The following NCAM1 variants were observed in gnomAD, a reference collection of about 807,000 sequenced individuals.
The protein encoded by NCAM1 is antigen recognized by monoclonal antibody 5.1H11.
Under a neutral mutation model 109.8 loss-of-function variants are expected in NCAM1, and 14 were observed. The ratio of observed to expected loss-of-function variants is 0.13; its 90% CI spans 0.08 to 0.20. The LOEUF (loss-of-function observed/expected upper bound fraction) is 0.20. Among genes scored for constraint, NCAM1 ranks in the 10% least tolerant of loss-of-function variants. The pLI, the probability that NCAM1 is intolerant of heterozygous loss-of-function variation, is 1.00. For synonymous variants in NCAM1, 418 were observed against 442.9 expected, an observed-to-expected ratio of 0.94 and a Z score of 0.70; for missense variants, 774 against 1,109.9, an observed-to-expected ratio of 0.70 and a Z score of 4.30.
chr11:113,216,146 A>ATTTTTTTTT (rs34687568), intron 8 of NCAM1, among the ~76,000 whole-genome samples: 7 of 101,504 alleles, frequency 6.9e-5, no homozygotes, highest in African/African-American at 1.5e-4. Flanking sequence ...CTATGATTTC[A>ATTTTTTTTT]TTTTTTTTTT....
Position 113,275,494 on chromosome 11 carries a change from A to G in NCAM1, c.*107A>G. 1 of 1,295,330 alleles carries G rather than the reference A, an allele frequency of 7.7e-7. No homozygotes were observed. Among genetic ancestry groups the G allele is most frequent in the Non-Finnish European group, 1.1e-6 (1 of 939,850 alleles). The allele number at this position is 1,295,330 out of a possible 1,614,324, so 80.2% of individuals were successfully genotyped here. A position where few individuals can be genotyped will look rare whatever the true frequency, so the allele number is the denominator to read the frequency against. ...CACACGCACGCACACACACAAACAC[A>G]CATGCACACACACACATCTCATTTC... is the stretch of plus-strand genomic sequence containing the variant. On this transcript the variant is annotated 3_prime_UTR_variant, in exon 20 of 20. Transcript: ENST00000316851.
intron 1 of NCAM1, among the ~76,000 whole-genome samples, chr11:113,021,782 C>T (rs1445418046): frequency 1.3e-5 from 2 of 152,154 alleles, no homozygotes; most frequent in African/African-American, 4.8e-5. Context: ...GCTTTAAAAA[C>T]CTGCTGTAGA....
At chr11:113,074,082 A>C (rs1938416676) in intron 1 of NCAM1, among the ~76,000 whole-genome samples, 1 of 152,198 alleles carries the variant, frequency 6.6e-6, no homozygotes. Flanking sequence ...ACAGGGGAGC[A>C]CCTTGAAAAT....
At chr11:113,102,261 GA>G (rs1377786077) in intron 1 of NCAM1, among the ~76,000 whole-genome samples, 2 of 152,082 alleles carry the variant, frequency 1.3e-5, no homozygotes, top group African/African-American at 4.8e-5. Context: ...TTGTCTTACA[GA>G]AAAAAATGGA....
chr11:113,046,125 G>GA (rs1207406494), intron 1 of NCAM1, among the ~76,000 whole-genome samples: 6 of 152,076 alleles, frequency 3.9e-5, no homozygotes, highest in African/African-American at 1.2e-4. Context: ...TGATTGCTGT[G>GA]AAAAAAACAG....
Position 113,149,949 on chromosome 11 carries a change from A to T in NCAM1, c.53-52430A>T, listed in dbSNP as rs575802472. On this transcript the variant is annotated intron_variant, in intron 1 of 19. Transcript: ENST00000316851. The stretch of plus-strand genomic sequence containing the variant: ...GATTGACTCTCAGAAGAAAGGTAAA[A>T]TTGGGCAGCATATATGTGGGAGTCA... Among the ~76,000 whole-genome samples the T allele has an allele frequency of 1.6e-3, 247 of 152,296 alleles. 3 individuals are homozygous for T. Among genetic ancestry groups the T allele is most frequent in the African/African-American group, 5.6e-3 (234 of 41,550 alleles).
At chr11:112,984,488 C>G (rs1167695439) in intron 1 of NCAM1, among the ~76,000 whole-genome samples, 1 of 151,810 alleles carries the variant, frequency 6.6e-6, no homozygotes, top group Non-Finnish European at 1.5e-5. Flanking sequence ...TCTACTGTGG[C>G]TGCAGCAGTC....
intron 1 of NCAM1, among the ~76,000 whole-genome samples, chr11:113,119,583 C>T (rs1940862793): frequency 6.6e-6 from 1 of 152,228 alleles, no homozygotes; most frequent in East Asian, 1.9e-4. Context: ...CTTGCTGAGA[C>T]TAATACAGGT....
intron 1 of NCAM1, among the ~76,000 whole-genome samples, chr11:113,177,389 C>T (rs1943190447): frequency 6.6e-6 from 1 of 152,150 alleles, no homozygotes; most frequent in Non-Finnish European, 1.5e-5. Flanking sequence ...AAAAAAACCA[C>T]TATTAAAAGT....
At chr11:113,134,446 C>T (rs1565456188) in intron 1 of NCAM1, among the ~76,000 whole-genome samples, 1 of 152,152 alleles carries the variant, frequency 6.6e-6, no homozygotes, top group Non-Finnish European at 1.5e-5. Flanking sequence ...AACATGTGTA[C>T]AACTTTCCCA....
At chr11:113,065,196 TA>T (rs1421286837) in intron 1 of NCAM1, among the ~76,000 whole-genome samples, 17 of 152,118 alleles carry the variant, frequency 1.1e-4, no homozygotes, top group African/African-American at 3.4e-4. Context: ...CCAAAAGAAA[TA>T]AAAGTATTGG....
intron 1 of NCAM1, among the ~76,000 whole-genome samples, chr11:113,009,318 T>G (rs1327989328): frequency 9.6e-6 from 1 of 104,296 alleles, no homozygotes; most frequent in Non-Finnish European, 1.9e-5. Context: ...TCGGGTTTTT[T>G]TTTTTTTTTT....
chr11:113,021,143 G>A (rs1952372404), intron 1 of NCAM1, among the ~76,000 whole-genome samples: 1 of 152,180 alleles, frequency 6.6e-6, no homozygotes, highest in Non-Finnish European at 1.5e-5. Flanking sequence ...AGGAATAACA[G>A]TAAGACAATT....
intron 1 of NCAM1, among the ~76,000 whole-genome samples, chr11:113,005,216 T>A (rs1951863336): frequency 6.6e-6 from 1 of 152,202 alleles, no homozygotes; most frequent in Non-Finnish European, 1.5e-5. Flanking sequence ...AATTAGTAGT[T>A]TGGCTTCTCT....
intron 1 of NCAM1, among the ~76,000 whole-genome samples, chr11:113,093,575 A>T (rs1444440615): frequency 2.0e-5 from 3 of 152,092 alleles, no homozygotes; most frequent in Admixed American, 6.5e-5. Context: ...GAGGTTCTTT[A>T]TTCTTAAGCC....
chr11:113,243,736 C>A, intron 14 of NCAM1: 2 of 309,660 alleles, frequency 6.5e-6, no homozygotes, highest in Admixed American at 3.4e-5. Context: ...TTTCTGCTTG[C>A]ACAGAAAAAA....
chr11:113,143,079 C>T (rs887427188), intron 1 of NCAM1, among the ~76,000 whole-genome samples: 1 of 152,112 alleles, frequency 6.6e-6, no homozygotes, highest in African/African-American at 2.4e-5. Flanking sequence ...TAAGGTCATT[C>T]GCCTACATAA....
intron 1 of NCAM1, among the ~76,000 whole-genome samples, chr11:113,181,529 TG>T (rs1943330395): frequency 6.6e-6 from 1 of 152,072 alleles, no homozygotes; most frequent in South Asian, 2.1e-4. Context: ...AGTGGAGGAC[TG>T]GGGGACGGAG....
chr11:113,245,557 C>T (rs1195934415), intron 14 of NCAM1, among the ~76,000 whole-genome samples: 2 of 152,212 alleles, frequency 1.3e-5, no homozygotes, highest in African/African-American at 4.8e-5. Context: ...TTGTCTCAAC[C>T]ATCAGAAGGA....
Sources: gnomAD v4.1 joint callset for allele counts (sites outside exome capture counted in the v4.1 genomes callset) on GRCh38, gnomAD v4.1.1 for gene constraint, MANE v1.5 for transcripts, NCBI Gene and HGNC (gene_info 2026-07-23, HGNC 2026-07-21) for gene names.